The following TNKS variants were observed in gnomAD, a reference collection of about 807,000 sequenced individuals.
TNKS encodes tankyrase.
In TNKS, 72 loss-of-function variants were observed where a neutral mutation model predicts 135.8. That is an observed-to-expected ratio of 0.53 (90% CI 0.44 to 0.64). TNKS has a LOEUF of 0.64. Among genes scored for constraint, TNKS ranks in the 30% least tolerant of loss-of-function variants. The pLI is 0.00. For missense variants in TNKS, 1,769 were observed against 1,674.0 expected (o/e 1.06, Z -0.99); for synonymous variants, 849 against 649.3 (o/e 1.31, Z -4.68).
intron 2 of TNKS, among the ~76,000 whole-genome samples, chr8:9,606,595 G>C (rs1181395035): frequency 6.6e-6 from 1 of 151,882 alleles, no homozygotes; most frequent in Admixed American, 6.6e-5. Flanking sequence ...TTTAATTCTT[G>C]GAATTTATTT....
At chr8:9,658,431 G>A (rs934707819) in intron 3 of TNKS, 20 of 1,231,100 alleles carry the variant, frequency 1.6e-5, no homozygotes, top group African/African-American at 6.4e-5. Flanking sequence ...GTCGGGCGGC[G>A]GCGGCTGCCA....
chr8:9,781,538 C>T lies in TNKS; in HGVS notation c.*4802C>T, dbSNP rs1343494240. The stretch of plus-strand genomic sequence containing the variant: ...GTATGTAAACATTGTCTCCGTGACA[C>T]AAAACACTGAAACTCTTCATGTGCA... On this transcript the variant is annotated 3_prime_UTR_variant, in exon 27 of 27. Coordinates refer to ENST00000310430, the MANE Select transcript of TNKS (RefSeq NM_003747.3). 1 of 152,310 alleles carries T rather than the reference C, an allele frequency of 6.6e-6. No homozygotes were observed. The highest frequency in any genetic ancestry group is 1.9e-4 in the East Asian group (1 of 5,206). 9.4% of individuals were successfully genotyped at this position (152,310 alleles called of 1,614,324 possible).
chr8:9,665,801 C>G (rs550429045), intron 3 of TNKS, among the ~76,000 whole-genome samples: 2 of 152,208 alleles, frequency 1.3e-5, no homozygotes, highest in East Asian at 1.9e-4. Context: ...TTGCATGCAC[C>G]TTTACAAGCC....
At chr8:9,575,740 CAA>C (rs1032951676) in intron 1 of TNKS, among the ~76,000 whole-genome samples, 1 of 152,106 alleles carries the variant, frequency 6.6e-6, no homozygotes, top group African/African-American at 2.4e-5. Flanking sequence ...AATGAACTGA[CAA>C]GAGTTGAAAT....
chr8:9,665,677 C>G (rs1458252202), intron 3 of TNKS, among the ~76,000 whole-genome samples: 1 of 152,194 alleles, frequency 6.6e-6, no homozygotes, highest in African/African-American at 2.4e-5. Context: ...TAACCTTGTG[C>G]TGCCTTTTCA....
chr8:9,757,227 G>A (rs781609087), intron 20 of TNKS, among the ~76,000 whole-genome samples: 1 of 152,060 alleles, frequency 6.6e-6, no homozygotes, highest in Non-Finnish European at 1.5e-5. Context: ...TGCCCGCCTT[G>A]GCCTCCCAAA....
intron 25 of TNKS, among the ~76,000 whole-genome samples, chr8:9,767,267 A>C (rs1344214360): frequency 6.6e-6 from 1 of 152,234 alleles, no homozygotes; most frequent in Non-Finnish European, 1.5e-5. Context: ...AAACTCAAAA[A>C]TTGGAGAGAA....
intron 1 of TNKS, among the ~76,000 whole-genome samples, chr8:9,579,722 G>A (rs551535677): frequency 1.3e-5 from 2 of 152,130 alleles, no homozygotes; most frequent in Non-Finnish European, 2.9e-5. Flanking sequence ...GCCCACCTCG[G>A]CCTCACACAG....
chr8:9,692,608 G>A (rs1803330758), intron 5 of TNKS, among the ~76,000 whole-genome samples: 1 of 152,164 alleles, frequency 6.6e-6, no homozygotes, highest in South Asian at 2.1e-4. Context: ...AGAAAGACTC[G>A]TAATGGGAGA....
At chr8:9,566,829 C>T (rs370465218) in intron 1 of TNKS, among the ~76,000 whole-genome samples, 2 of 151,306 alleles carry the variant, frequency 1.3e-5, no homozygotes, top group Non-Finnish European at 2.9e-5. Context: ...AGGATGGTCT[C>T]GATCTCCTGC....
chr8:9,572,188 T>A (rs1353568665), intron 1 of TNKS, among the ~76,000 whole-genome samples: 1 of 152,238 alleles, frequency 6.6e-6, no homozygotes, highest in African/African-American at 2.4e-5. Context: ...AGATTTTGCA[T>A]ATCTGAGATT....
At chr8:9,710,853 G>A (rs940898262) in intron 11 of TNKS, among the ~76,000 whole-genome samples, 1 of 152,032 alleles carries the variant, frequency 6.6e-6, no homozygotes, top group African/African-American at 2.4e-5. Context: ...CTGAGATTGC[G>A]CCACTACACT....
At chr8:9,561,828 A>G (rs1797340160) in intron 1 of TNKS, among the ~76,000 whole-genome samples, 1 of 151,976 alleles carries the variant, frequency 6.6e-6, no homozygotes, top group Non-Finnish European at 1.5e-5. Flanking sequence ...ACGATTTTTG[A>G]TGGTTGCTGT....
chr8:9,721,638 C>T (rs945093890), intron 12 of TNKS, among the ~76,000 whole-genome samples: 52 of 151,830 alleles, frequency 3.4e-4, no homozygotes, highest in African/African-American at 1.2e-3. Flanking sequence ...TTAACTCTAT[C>T]AGGTACAGTG....
chr8:9,584,367 G>C (rs1275917623), intron 2 of TNKS, among the ~76,000 whole-genome samples: 3 of 152,018 alleles, frequency 2.0e-5, no homozygotes, highest in African/African-American at 7.3e-5. Context: ...GTCTTGGTTT[G>C]TCCAGTCATG....
At chr8:9,702,096 G>C (rs1018246738) in intron 5 of TNKS, among the ~76,000 whole-genome samples, 3 of 152,184 alleles carry the variant, frequency 2.0e-5, no homozygotes, top group African/African-American at 7.2e-5. Context: ...CTCTGGCCCT[G>C]CCTACCAAAG....
At chr8:9,593,002 G>T (rs1259587551) in intron 2 of TNKS, among the ~76,000 whole-genome samples, 5 of 152,164 alleles carry the variant, frequency 3.3e-5, no homozygotes, top group Non-Finnish European at 4.4e-5. Flanking sequence ...TTCTGATCAT[G>T]CATTAACTTT....
rs1440294711 is a variant in TNKS at position 9,778,944 on chromosome 8, G to A, written c.*2208G>A. On this transcript the variant is annotated 3_prime_UTR_variant, in exon 27 of 27. Transcript: ENST00000310430. ...TCATACTAACTAGATGAATGGATGCGCCAGTTTTCATCTTGGTCCTTACAC... is the reference window on the plus strand; with the variant it reads ...TCATACTAACTAGATGAATGGATGCACCAGTTTTCATCTTGGTCCTTACAC... 5.3e-5 allele frequency: 8 copies of A among 152,152 alleles called. No homozygotes were observed. The highest frequency in any genetic ancestry group is 1.7e-4 in the African/African-American group (7 of 41,426). 9.4% of individuals were successfully genotyped at this position (152,152 alleles called of 1,614,324 possible). A position where few individuals can be genotyped will look rare whatever the true frequency, so the allele number is the denominator to read the frequency against.
At chr8:9,564,821 C>G (rs1376383569) in intron 1 of TNKS, among the ~76,000 whole-genome samples, 4 of 152,158 alleles carry the variant, frequency 2.6e-5, no homozygotes, top group Admixed American at 2.0e-4. Flanking sequence ...AGTCTGAGGG[C>G]TAGGTGCAGC....
Sources: gnomAD v4.1 joint callset for allele counts (sites outside exome capture counted in the v4.1 genomes callset) on GRCh38, gnomAD v4.1.1 for gene constraint, MANE v1.5 for transcripts, NCBI Gene and HGNC (gene_info 2026-07-23, HGNC 2026-07-21) for gene names.